CLSPN: variants seen among roughly 807,000 people sequenced by gnomAD.
CLSPN encodes claspin, also known as claspin homolog.
Under a neutral mutation model 156.3 loss-of-function variants are expected in CLSPN, and 85 were observed. That is an observed-to-expected ratio of 0.54 (90% CI 0.46 to 0.65). CLSPN has a LOEUF of 0.65. Among genes scored for constraint, CLSPN ranks in the 30% least tolerant of loss-of-function variants. The probability of loss-of-function intolerance (pLI) is 0.00; values close to 1 mark genes in which losing one functional copy is unlikely to be tolerated. For missense variants in CLSPN, 1,407 were observed against 1,554.9 expected, an observed-to-expected ratio of 0.90 and a Z score of 1.60; for synonymous variants, 534 against 542.4, an observed-to-expected ratio of 0.98 and a Z score of 0.22.
At position 35,733,831 on chromosome 1, in the gene CLSPN, G is replaced by T; in HGVS notation, c.*2665C>A. On this transcript the variant is annotated 3_prime_UTR_variant, in exon 25 of 25. Coordinates refer to ENST00000318121, the MANE Select transcript of CLSPN (RefSeq NM_022111.4). Reference sequence around the variant, plus strand: ...TGTCTCTACTAAAATAAAATAATTAGCTGGGCATGGTGGCATATGCCTGTA... The same window carrying T: ...TGTCTCTACTAAAATAAAATAATTATCTGGGCATGGTGGCATATGCCTGTA... 1 of 530,366 alleles carries T rather than the reference G, an allele frequency of 1.9e-6. No individual in the cohort carries two copies. The highest frequency in any genetic ancestry group is 2.4e-6 in the Non-Finnish European group (1 of 415,066). 32.9% of individuals were successfully genotyped at this position (530,366 alleles called of 1,614,324 possible).
rs746230779 is a variant in CLSPN, at chr1:35,764,467, T to C, written c.381A>G (p.Gln127=). The C allele has an allele frequency of 1.9e-6, 3 of 1,614,178 alleles. No homozygotes were observed. Among genetic ancestry groups the C allele is most frequent in the South Asian group, 1.1e-5 (1 of 91,084 alleles). Residue 127 remains glutamine, a synonymous_variant, in exon 3 of 25, where the codon CAA becomes CAG. Coordinates refer to ENST00000318121, the MANE Select transcript of CLSPN (RefSeq NM_022111.4). ...KSLYQENLEA[Q]VKPCLELSLQ... is the part of the protein sequence containing the mutation. Reference sequence around the variant, plus strand: ...GACTCAGCTCTAAGCAAGGTTTCACTTGCGCTTCAAGATTTTCCTGATACA... The same window carrying C: ...GACTCAGCTCTAAGCAAGGTTTCACCTGCGCTTCAAGATTTTCCTGATACA...
intron 8 of CLSPN, among the ~76,000 whole-genome samples, chr1:35,760,118 C>T (rs1433934500): frequency 6.6e-6 from 1 of 152,218 alleles, no homozygotes; most frequent in African/African-American, 2.4e-5. Context: ...AGGCGTAAGC[C>T]ACCGCACCCA....
chr1:35,759,108 G>A (rs1431243137), intron 8 of CLSPN, among the ~76,000 whole-genome samples: 1 of 152,174 alleles, frequency 6.6e-6, no homozygotes, highest in South Asian at 2.1e-4. Flanking sequence ...CTATCTAAGA[G>A]TCAGGAAATT....
At chr1:35,738,338 G>C in intron 21 of CLSPN, 117 bp downstream of exon 21, 2 of 1,032,040 alleles carry the variant, frequency 1.9e-6, no homozygotes, top group South Asian at 1.6e-5. Flanking sequence ...GATTAAAAGA[G>C]ATAGCAATAT....
chr1:35,761,955 G>T, intron 6 of CLSPN, 43 bp downstream of exon 6: 2 of 1,349,522 alleles, frequency 1.5e-6, no homozygotes, highest in Non-Finnish European at 2.1e-6. Context: ...AGCTTACAAA[G>T]AAATGTTGTG....
At chr1:35,739,081 G>T in intron 20 of CLSPN, 55 bp downstream of exon 20, 4 of 1,607,106 alleles carry the variant, frequency 2.5e-6, no homozygotes, top group Non-Finnish European at 3.4e-6. Context: ...TTACAGGCGT[G>T]AGCCACCATG....
chr1:35,763,140 T>C lies in CLSPN; in HGVS notation c.744+20A>G, dbSNP rs2148626691. The C allele has an allele frequency of 6.6e-7, 1 of 1,525,002 alleles. No homozygotes were observed. Among genetic ancestry groups the C allele is most frequent in the Non-Finnish European group, 8.8e-7 (1 of 1,139,410 alleles). The allele number at this position is 1,525,002 out of a possible 1,614,324, so 94.5% of individuals were successfully genotyped here. A position where few individuals can be genotyped will look rare whatever the true frequency, so the allele number is the denominator to read the frequency against. ...TCAGAAGCAGTTGATTAACTCTTAT[T>C]GCAATCATGCTTTACTTGCCTTGTG... On this transcript the variant is annotated intron_variant, in intron 4 of 24. Coordinates refer to ENST00000318121, the MANE Select transcript of CLSPN (RefSeq NM_022111.4).
At chr1:35,720,442 C>CG (rs1641046573) in exon 25 of CLSPN, 1 of 80,934 alleles carries the variant, frequency 1.2e-5, no homozygotes, top group African/African-American at 4.9e-5. Flanking sequence ...CAAATCCTCA[C>CG]TTTTTTTTTT....
At chr1:35,723,478 G>A (rs1641117876) in intron 24 of CLSPN, among the ~76,000 whole-genome samples, 1 of 152,174 alleles carries the variant, frequency 6.6e-6, no homozygotes, top group Admixed American at 6.5e-5. Flanking sequence ...CAGGCCTAAG[G>A]GTTATTCATA....
intron 2 of CLSPN, 111 bp from the exon 3 acceptor site, chr1:35,764,825 C>A (rs368993976): frequency 3.0e-6 from 2 of 662,460 alleles, no homozygotes; most frequent in Admixed American, 7.1e-5. Flanking sequence ...TGTGAAATTA[C>A]GTGACTACTG....
chr1:35,763,250 C>G lies in CLSPN; in HGVS notation c.654G>C (p.Gly218=). Residue 218 remains glycine (G), a synonymous_variant, in exon 4 of 25, where the codon GGG becomes GGC. Transcript: ENST00000318121. The part of the protein sequence containing the change: ...LLVDKDLFET[G]LEDENNSPLE... ...ATGGAGAGTTATTTTCATCCTCCAA[C>G]CCAGTTTCAAAAAGGTCTTTATCCA... is the stretch of plus-strand genomic sequence containing the variant. The G allele has an allele frequency of 6.2e-7, 1 of 1,609,710 alleles. No homozygotes were observed. The highest frequency in any genetic ancestry group is 8.5e-7 in the Non-Finnish European group (1 of 1,178,722).
At position 35,740,522 on chromosome 1, in the gene CLSPN, G is replaced by C. The variant is rs143218289; in HGVS notation, c.3144-993C>G. Among the ~76,000 whole-genome samples, 1,037 of 151,672 alleles carry C rather than the reference G, an allele frequency of 6.8e-3. 16 individuals are homozygous for C. Among genetic ancestry groups the C allele is most frequent in the African/African-American group, 0.022 (918 of 41,342 alleles). ...CAACCTCCACCTCCTGGGTTCAAGTGATTCTCATGCCTCAACCTCCCGAGT... is the reference window on the plus strand; with the variant it reads ...CAACCTCCACCTCCTGGGTTCAAGTCATTCTCATGCCTCAACCTCCCGAGT... On this transcript the variant is annotated intron_variant, in intron 18 of 24. Coordinates refer to ENST00000318121, the MANE Select transcript of CLSPN (RefSeq NM_022111.4).
intron 1 of CLSPN, among the ~76,000 whole-genome samples, chr1:35,766,316 C>T (rs1252715777): frequency 7.0e-6 from 1 of 142,140 alleles, no homozygotes; most frequent in Non-Finnish European, 1.5e-5. Flanking sequence ...CAATATATTG[C>T]AAAGAAAAAA....
At chr1:35,744,304 T>C (rs1292417815) in intron 16 of CLSPN, among the ~76,000 whole-genome samples, 3 of 152,186 alleles carry the variant, frequency 2.0e-5, no homozygotes, top group Non-Finnish European at 4.4e-5. Context: ...TTGTAGCAAG[T>C]GTCAGAACTT....
intron 18 of CLSPN, among the ~76,000 whole-genome samples, chr1:35,741,374 A>G (rs1641683669): frequency 6.6e-6 from 1 of 152,174 alleles, no homozygotes; most frequent in African/African-American, 2.4e-5. Flanking sequence ...GCTGGAATGC[A>G]ATGGCACAAT....
chr1:35,721,863 G>C (rs1367764099), intron 24 of CLSPN, among the ~76,000 whole-genome samples: 1 of 152,044 alleles, frequency 6.6e-6, no homozygotes, highest in Non-Finnish European at 1.5e-5. Flanking sequence ...ATTGGGCCTG[G>C]TGTGGTGGCT....
chr1:35,757,548 C>A (rs1305905600), intron 8 of CLSPN, among the ~76,000 whole-genome samples: 1 of 152,144 alleles, frequency 6.6e-6, no homozygotes, highest in African/African-American at 2.4e-5. Flanking sequence ...GAGCCTCAGT[C>A]TCTTCATTTT....
intron 24 of CLSPN, among the ~76,000 whole-genome samples, chr1:35,721,380 T>C (rs1227557204): frequency 6.6e-6 from 1 of 152,256 alleles, no homozygotes; most frequent in Admixed American, 6.5e-5. Context: ...CATGATGCTA[T>C]CACCATGTTT....
downstream of CLSPN, among the ~76,000 whole-genome samples, chr1:35,727,484 A>C (rs1297728056): frequency 2.0e-5 from 3 of 152,244 alleles, no homozygotes; most frequent in Admixed American, 1.3e-4. Context: ...CAGCTAGGCC[A>C]ACAAGGCCTT....
Sources: gnomAD v4.1 joint callset for allele counts (sites outside exome capture counted in the v4.1 genomes callset) on GRCh38, gnomAD v4.1.1 for gene constraint, MANE v1.5 for transcripts, NCBI Gene and HGNC (gene_info 2026-07-23, HGNC 2026-07-21) for gene names.